The following CSMD3 variants were observed in gnomAD, a reference collection of about 807,000 sequenced individuals.
CSMD3 encodes the protein CUB and Sushi multiple domains 3.
In CSMD3, 177 loss-of-function variants were observed where a neutral mutation model predicts 435.2. The observed-to-expected ratio is 0.41, with a 90% CI of 0.36 to 0.46. CSMD3 has a LOEUF of 0.46. Among genes scored for constraint, CSMD3 ranks in the 20% least tolerant of loss-of-function variants. The probability of loss-of-function intolerance (pLI) is 0.34; values close to 1 mark genes in which losing one functional copy is unlikely to be tolerated. For synonymous variants in CSMD3, 1,656 were observed against 1,520.5 expected, an observed-to-expected ratio of 1.09 and a Z score of -2.07; for missense variants, 4,265 against 4,504.6, an observed-to-expected ratio of 0.95 and a Z score of 1.52.
intron 40 of CSMD3, among the ~76,000 whole-genome samples, chr8:112,350,846 TTTAC>T (rs1826074700): frequency 6.6e-6 from 1 of 152,100 alleles, no homozygotes; most frequent in Non-Finnish European, 1.5e-5. Context: ...CAATAGAATA[TTTAC>T]TTATTTTTCT....
intron 10 of CSMD3, among the ~76,000 whole-genome samples, chr8:112,865,567 C>T (rs2080954265): frequency 6.6e-6 from 1 of 151,930 alleles, no homozygotes; most frequent in African/African-American, 2.4e-5. Flanking sequence ...ACTTTAAGAC[C>T]CTAGCACTTT....
chr8:113,129,619 T>C (rs1292958930), intron 4 of CSMD3, among the ~76,000 whole-genome samples: 1 of 152,160 alleles, frequency 6.6e-6, no homozygotes, highest in Non-Finnish European at 1.5e-5. Context: ...AAAAACTTCA[T>C]GTTCAGTTGA....
intron 13 of CSMD3, among the ~76,000 whole-genome samples, chr8:112,743,587 A>G (rs112371033): frequency 2.3e-3 from 357 of 152,082 alleles, no homozygotes; most frequent in African/African-American, 8.1e-3. Flanking sequence ...TTTGGGAAAT[A>G]CCAAAATAGA....
intron 7 of CSMD3, among the ~76,000 whole-genome samples, chr8:112,973,045 G>A (rs967916711): frequency 6.6e-6 from 1 of 151,884 alleles, no homozygotes; most frequent in Non-Finnish European, 1.5e-5. Context: ...ATTGTGTTTT[G>A]CAAAATAATA....
intron 5 of CSMD3, among the ~76,000 whole-genome samples, chr8:113,063,334 AGT>A (rs1275673166): frequency 3.3e-5 from 5 of 151,818 alleles, no homozygotes; most frequent in African/African-American, 1.2e-4. Flanking sequence ...TGCTGTGTCA[AGT>A]TATTTATCCA....
At chr8:113,010,039 A>T (rs1356432720) in intron 6 of CSMD3, among the ~76,000 whole-genome samples, 3 of 151,852 alleles carry the variant, frequency 2.0e-5, no homozygotes, top group Non-Finnish European at 4.4e-5. Flanking sequence ...TTATTATAAT[A>T]TCTATTATAT....
At chr8:113,212,713 G>A (rs2132086240) in intron 3 of CSMD3, among the ~76,000 whole-genome samples, 1 of 151,602 alleles carries the variant, frequency 6.6e-6, no homozygotes, top group Admixed American at 6.6e-5. Flanking sequence ...ACAGGAAGGG[G>A]AACCTCACAC....
chr8:112,875,345 T>C (rs988756762), intron 10 of CSMD3, among the ~76,000 whole-genome samples: 2 of 152,194 alleles, frequency 1.3e-5, no homozygotes, highest in Non-Finnish European at 2.9e-5. Flanking sequence ...CTGCCTACAC[T>C]TAACATTTTT....
intron 2 of CSMD3, among the ~76,000 whole-genome samples, chr8:113,289,496 C>T (rs556360453): frequency 2.1e-5 from 3 of 144,144 alleles, no homozygotes; most frequent in South Asian, 4.5e-4. Context: ...AAATTATGAC[C>T]GAGAGAGAGG....
chr8:112,844,858 G>A (rs2080274377), intron 11 of CSMD3, among the ~76,000 whole-genome samples: 1 of 151,886 alleles, frequency 6.6e-6, no homozygotes, highest in Non-Finnish European at 1.5e-5. Context: ...GCCCCAGAAA[G>A]ACTGTATTTG....
At chr8:113,354,487 T>C (rs1055497259) in intron 1 of CSMD3, among the ~76,000 whole-genome samples, 9 of 152,196 alleles carry the variant, frequency 5.9e-5, no homozygotes, top group Admixed American at 1.3e-4. Flanking sequence ...AATCCAATTA[T>C]AAAGAACTTA....
chr8:112,350,049 C>G (rs1333635080), intron 40 of CSMD3, among the ~76,000 whole-genome samples: 1 of 151,906 alleles, frequency 6.6e-6, no homozygotes, highest in Non-Finnish European at 1.5e-5. Flanking sequence ...GTGCACAAAC[C>G]AAAGATCATG....
intron 15 of CSMD3, among the ~76,000 whole-genome samples, chr8:112,683,446 A>C (rs555261101): frequency 1.3e-5 from 2 of 151,764 alleles, no homozygotes; most frequent in East Asian, 3.9e-4. Flanking sequence ...GGAGAACAGG[A>C]GTTCTTGAGC....
chr8:113,193,879 A>G (rs1017655660), intron 3 of CSMD3, among the ~76,000 whole-genome samples: 2 of 151,408 alleles, frequency 1.3e-5, no homozygotes, highest in Non-Finnish European at 3.0e-5. Flanking sequence ...CATAGACAAT[A>G]TTTTAGAAGA....
chr8:112,379,764 T>A (rs573117623), intron 38 of CSMD3, among the ~76,000 whole-genome samples: 1 of 152,170 alleles, frequency 6.6e-6, no homozygotes, highest in Admixed American at 6.5e-5. Flanking sequence ...TTCTTGATTA[T>A]ATATTACAAA....
chr8:112,926,240 A>ATGTGTGTGTG lies in CSMD3; in HGVS notation c.1509-4499_1509-4490dup, dbSNP rs71309796. ...TAAGAAAAACTTACACTCATTAAAT[A>ATGTGTGTGTG]TGTGTGTGTGTGTGTGTGAGCGTGT... On this transcript the variant is annotated intron_variant, in intron 9 of 70. Coordinates refer to ENST00000297405, the MANE Select transcript of CSMD3 (RefSeq NM_198123.2). Among the ~76,000 whole-genome samples, 9 of 150,396 alleles carry ATGTGTGTGTG rather than the reference A, an allele frequency of 6.0e-5. No individual in the cohort carries two copies. In the East Asian group the frequency reaches 1.8e-3, roughly 30 times the overall value.
rs1313298563 is a variant in CSMD3 at position 112,231,691 on chromosome 8, G to A, written c.10741-59C>T. 4 of 1,008,138 alleles carry A rather than the reference G, an allele frequency of 4.0e-6. No individual in the cohort carries two copies. In the African/African-American group the frequency reaches 4.8e-5, roughly 12 times the overall value. The allele number at this position is 1,008,138 out of a possible 1,614,324, so 62.4% of individuals were successfully genotyped here. A position where few individuals can be genotyped will look rare whatever the true frequency, so the allele number is the denominator to read the frequency against. On this transcript the variant is annotated intron_variant, in intron 68 of 70. Transcript: ENST00000297405. ...TACTGGCCATAGCTATATTTTCCCA[G>A]CCTTAATAAATACACAATTTTATTC...
Position 112,652,153 on chromosome 8 carries a change from A to G in CSMD3, c.3005-1804T>C, listed in dbSNP as rs75378778. Among the ~76,000 whole-genome samples the G allele has an allele frequency of 4.1e-3, 629 of 152,186 alleles. 10 individuals are homozygous for G. Among genetic ancestry groups the G allele is most frequent in the African/African-American group, 0.014 (596 of 41,518 alleles). On this transcript the variant is annotated intron_variant, in intron 18 of 70. Transcript: ENST00000297405. The stretch of plus-strand genomic sequence containing the variant: ...GTCACCCTGAAAATTAAGATTCCCA[A>G]ATTAGACTTTACTATTCTAAATTGT...
chr8:112,452,734 CT>C (rs1258786261), intron 32 of CSMD3, among the ~76,000 whole-genome samples: 3 of 151,950 alleles, frequency 2.0e-5, no homozygotes, highest in Non-Finnish European at 4.4e-5. Flanking sequence ...TGCATTTTTT[CT>C]TTAATTACTG....
Sources: allele counts gnomAD v4.1 joint callset (sites outside exome capture counted in the v4.1 genomes callset), GRCh38; gene constraint gnomAD v4.1.1; transcripts MANE v1.5; gene names NCBI Gene and HGNC (gene_info 2026-07-23, HGNC 2026-07-21).